HCRTR2: variants seen among roughly 807,000 people sequenced by gnomAD.
HCRTR2 encodes the protein hypocretin receptor 2.
HCRTR2 carries 22 observed loss-of-function variants against 49.0 expected under a neutral mutation model. The observed-to-expected ratio is 0.45, with a 90% CI of 0.32 to 0.64. HCRTR2 has a LOEUF of 0.64. Ranked by LOEUF, HCRTR2 falls within the 30% of genes least tolerant of loss-of-function variation. The pLI is 0.04. For missense variants in HCRTR2, 491 were observed against 559.4 expected, an observed-to-expected ratio of 0.88 and a Z score of 1.23; for synonymous variants, 236 against 205.3, an observed-to-expected ratio of 1.15 and a Z score of -1.28.
chr6:55,248,133 T>C (rs1766480901), intron 1 of HCRTR2, among the ~76,000 whole-genome samples: 1 of 152,178 alleles, frequency 6.6e-6, no homozygotes, highest in Non-Finnish European at 1.5e-5. Flanking sequence ...TCTAGCTCGG[T>C]ATTTGGCAAT....
At chr6:55,164,645 G>A (rs1387300551) in intron 1 of HCRTR2, among the ~76,000 whole-genome samples, 1 of 151,994 alleles carries the variant, frequency 6.6e-6, no homozygotes, top group African/African-American at 2.4e-5. Context: ...GCTAGGGGAG[G>A]GATAACATTA....
intron 1 of HCRTR2, among the ~76,000 whole-genome samples, chr6:55,177,924 T>C (rs1354438001): frequency 6.6e-6 from 1 of 152,182 alleles, no homozygotes; most frequent in Non-Finnish European, 1.5e-5. Flanking sequence ...TGTGAAATTT[T>C]AAGTTCTAAG....
chr6:55,209,898 A>G (rs1440274743), intron 1 of HCRTR2, among the ~76,000 whole-genome samples: 3 of 152,102 alleles, frequency 2.0e-5, no homozygotes, highest in African/African-American at 7.2e-5. Context: ...ATTTAATGTC[A>G]TTTGCGTCTT....
chr6:55,136,793 G>T (rs1196513363), intron 1 of HCRTR2, among the ~76,000 whole-genome samples: 2 of 152,098 alleles, frequency 1.3e-5, no homozygotes, highest in East Asian at 1.9e-4. Context: ...AACCTACAAG[G>T]CTCCTTTCTC....
At chr6:55,240,247 A>G (rs1766299462) in intron 1 of HCRTR2, among the ~76,000 whole-genome samples, 1 of 149,972 alleles carries the variant, frequency 6.7e-6, no homozygotes, top group South Asian at 2.1e-4. Flanking sequence ...AGTTCCAGCT[A>G]CTCAGGAGGC....
chr6:55,111,262 T>C (rs1168689523), intron 1 of HCRTR2, among the ~76,000 whole-genome samples: 1 of 151,818 alleles, frequency 6.6e-6, no homozygotes, highest in South Asian at 2.1e-4. Context: ...CTCAAGGAAC[T>C]AGAGAAACAA....
chr6:55,263,131 A>T (rs980246081), intron 3 of HCRTR2, among the ~76,000 whole-genome samples: 1 of 152,050 alleles, frequency 6.6e-6, no homozygotes, highest in Non-Finnish European at 1.5e-5. Context: ...TGTTCCAATA[A>T]GTCAACAAAA....
intron 1 of HCRTR2, among the ~76,000 whole-genome samples, chr6:55,109,679 G>T (rs1240351206): frequency 2.0e-5 from 2 of 100,678 alleles, no homozygotes; most frequent in African/African-American, 3.0e-5. Flanking sequence ...AAAGAAAAAA[G>T]ATTTTTTTTT....
At chr6:55,212,411 A>G (rs1209824876) in intron 1 of HCRTR2, among the ~76,000 whole-genome samples, 1 of 152,140 alleles carries the variant, frequency 6.6e-6, no homozygotes, top group African/African-American at 2.4e-5. Context: ...CAACAATATC[A>G]ATCTTCTTTC....
intron 1 of HCRTR2, among the ~76,000 whole-genome samples, chr6:55,136,470 T>C (rs1764435397): frequency 6.6e-6 from 1 of 152,130 alleles, no homozygotes; most frequent in Non-Finnish European, 1.5e-5. Context: ...AATTGGGAAA[T>C]CACAATTACA....
intron 1 of HCRTR2, among the ~76,000 whole-genome samples, chr6:55,163,258 CAAAA>C (rs1554169068): frequency 1.4e-5 from 2 of 141,174 alleles, no homozygotes; most frequent in Non-Finnish European, 3.1e-5. Context: ...AAACAAACAA[CAAAA>C]AAAAAAAAAC....
chr6:55,189,248 G>T (rs372020904), intron 1 of HCRTR2, among the ~76,000 whole-genome samples: 1 of 152,124 alleles, frequency 6.6e-6, no homozygotes, highest in South Asian at 2.1e-4. Context: ...TTCCTAAAGG[G>T]AGATTAATTT....
chr6:55,156,150 A>G (rs1211257436), intron 1 of HCRTR2, among the ~76,000 whole-genome samples: 2 of 151,784 alleles, frequency 1.3e-5, no homozygotes, highest in East Asian at 3.9e-4. Flanking sequence ...TATTATTTTT[A>G]TTAATATTAT....
At position 55,282,312 on chromosome 6, in the gene HCRTR2, G is replaced by A. The variant is rs1176698482; in HGVS notation, c.1193G>A (p.Arg398Gln). 5.6e-6 allele frequency: 9 copies of A among 1,613,582 alleles called. No homozygotes were observed. The highest frequency in any genetic ancestry group is 4.5e-5 in the East Asian group (2 of 44,864). Reference sequence around the variant, plus strand: ...CAGGAGGATCGGCTCACCAGGGGACGAACTAGCACAGAGAGCCGGAAGTCC... The same window carrying A: ...CAGGAGGATCGGCTCACCAGGGGACAAACTAGCACAGAGAGCCGGAAGTCC... ...HRQEDRLTRG[R>Q]TSTESRKSLT... Residue 398 changes from arginine (R) to glutamine (Q), a missense_variant, in exon 7 of 7, where the codon CGA becomes CAA. Transcript: ENST00000370862.
chr6:55,243,292 G>A (rs1346022559), intron 1 of HCRTR2, among the ~76,000 whole-genome samples: 1 of 152,056 alleles, frequency 6.6e-6, no homozygotes, highest in African/African-American at 2.4e-5. Context: ...GGTTAATGAA[G>A]GCAGGCTTTT....
chr6:55,130,654 A>G (rs1764342966), intron 1 of HCRTR2, among the ~76,000 whole-genome samples: 1 of 151,848 alleles, frequency 6.6e-6, no homozygotes, highest in South Asian at 2.1e-4. Flanking sequence ...AAAGGCAAAT[A>G]TTCTTAACAA....
intron 1 of HCRTR2, among the ~76,000 whole-genome samples, chr6:55,122,220 A>G (rs1764211079): frequency 6.6e-6 from 1 of 151,970 alleles, no homozygotes. Context: ...GAATTTATCC[A>G]TTTCTTCTAG....
chr6:55,174,636 T>A lies in HCRTR2; in HGVS notation c.49T>A (p.Ser17Thr), dbSNP rs777862374. The change falls in exon 1 of 7, where the codon TCT becomes ACT. Residue 17 changes from serine (S) to threonine (T), a missense_variant. Transcript: ENST00000370862. The stretch of plus-strand genomic sequence containing the variant: ...CTCCCCCCCTTGTCGCAACTGGTCA[T>A]CTGCTTCGGAGCTGAATGAAACTCA... ...EDSPPCRNWS[S>T]ASELNETQEP... The A allele has an allele frequency of 4.3e-6, 7 of 1,613,994 alleles. No homozygotes were observed. In the Admixed American group the frequency reaches 8.3e-5, roughly 19 times the overall value.
At chr6:55,178,289 G>T (rs1352031600) in intron 1 of HCRTR2, among the ~76,000 whole-genome samples, 1 of 151,856 alleles carries the variant, frequency 6.6e-6, no homozygotes, top group Non-Finnish European at 1.5e-5. Context: ...GTTTCATCTG[G>T]TATGCTTCTG....
Sources: allele counts gnomAD v4.1 joint callset (sites outside exome capture counted in the v4.1 genomes callset), GRCh38; gene constraint gnomAD v4.1.1; transcripts MANE v1.5; gene names NCBI Gene and HGNC (gene_info 2026-07-23, HGNC 2026-07-21).